EHMT1: variants seen among roughly 807,000 people sequenced by gnomAD.
EHMT1 encodes the protein euchromatic histone lysine methyltransferase 1.
Under a neutral mutation model 147.2 loss-of-function variants are expected in EHMT1, and 15 were observed. The observed-to-expected ratio is 0.10, with a 90% CI of 0.07 to 0.16. EHMT1 has a LOEUF of 0.16. EHMT1 is among the 10% of genes least tolerant of loss of function. The probability of loss-of-function intolerance (pLI) is 1.00; values close to 1 mark genes in which losing one functional copy is unlikely to be tolerated. For synonymous variants in EHMT1, 795 were observed against 709.6 expected (o/e 1.12, Z -1.91); for missense variants, 1,587 against 1,772.4 (o/e 0.90, Z 1.88).
At chr9:137,637,964 C>T (rs1364236866) in intron 1 of EHMT1, among the ~76,000 whole-genome samples, 2 of 151,862 alleles carry the variant, frequency 1.3e-5, no homozygotes, top group South Asian at 2.1e-4. Flanking sequence ...TGCAGTTGCT[C>T]GTATGTTCCC....
intron 18 of EHMT1, chr9:137,802,841 T>C (rs1953616712): frequency 8.1e-7 from 1 of 1,231,968 alleles, no homozygotes; most frequent in Non-Finnish European, 1.0e-6. Context: ...CGGAGTTCTT[T>C]CCCACTGCGG....
At chr9:137,681,165 T>G (rs1941905149) in intron 1 of EHMT1, among the ~76,000 whole-genome samples, 1 of 152,148 alleles carries the variant, frequency 6.6e-6, no homozygotes, top group African/African-American at 2.4e-5. Flanking sequence ...TCTTGAGAAC[T>G]GCAAGCAAGA....
intron 18 of EHMT1, among the ~76,000 whole-genome samples, chr9:137,806,946 A>G (rs1328516848): frequency 6.6e-6 from 1 of 152,140 alleles, no homozygotes; most frequent in Admixed American, 6.6e-5. Flanking sequence ...TGCTTTTAAA[A>G]TGTTTTTTCT....
intron 21 of EHMT1, among the ~76,000 whole-genome samples, chr9:137,814,051 C>A: frequency 1.3e-5 from 1 of 78,166 alleles, no homozygotes; most frequent in African/African-American, 6.8e-5. Flanking sequence ...CCGGGCACTG[C>A]CCAGGCCCCC....
intron 3 of EHMT1, among the ~76,000 whole-genome samples, chr9:137,728,058 A>G (rs997475705): frequency 1.3e-5 from 2 of 152,242 alleles, no homozygotes; most frequent in African/African-American, 4.8e-5. Context: ...ACATGTGGTC[A>G]CTGTTCCTCC....
intron 3 of EHMT1, among the ~76,000 whole-genome samples, chr9:137,726,215 G>A (rs1482407905): frequency 6.6e-6 from 1 of 152,130 alleles, no homozygotes; most frequent in African/African-American, 2.4e-5. Flanking sequence ...GCCACCCTCC[G>A]TCTCTGGAAC....
intron 1 of EHMT1, among the ~76,000 whole-genome samples, chr9:137,631,911 G>A (rs183310309): frequency 4.1e-4 from 63 of 152,228 alleles, no homozygotes; most frequent in Admixed American, 1.4e-3. Context: ...ATAGAGGCTA[G>A]AAATTCTTAC....
chr9:137,811,974 C>T (rs1954526974), intron 19 of EHMT1, among the ~76,000 whole-genome samples: 1 of 152,216 alleles, frequency 6.6e-6, no homozygotes, highest in Non-Finnish European at 1.5e-5. Context: ...CTTCTGGGAG[C>T]AGTGCCACCC....
At chr9:137,679,224 C>T (rs1272250280) in intron 1 of EHMT1, among the ~76,000 whole-genome samples, 1 of 152,208 alleles carries the variant, frequency 6.6e-6, no homozygotes, top group African/African-American at 2.4e-5. Context: ...GCTGGGATTA[C>T]AGGTGTGAGC....
intron 18 of EHMT1, among the ~76,000 whole-genome samples, chr9:137,809,467 G>C (rs1380800266): frequency 6.6e-6 from 1 of 152,236 alleles, no homozygotes; most frequent in African/African-American, 2.4e-5. Context: ...AGAGCCTGCG[G>C]GGTGGAGACC....
intron 1 of EHMT1, among the ~76,000 whole-genome samples, chr9:137,704,639 C>G (rs1051069841): frequency 6.6e-6 from 1 of 152,092 alleles, no homozygotes; most frequent in Non-Finnish European, 1.5e-5. Flanking sequence ...TTGGTATCCT[C>G]TCTTCTTTTT....
intron 3 of EHMT1, 166 bp downstream of exon 3, chr9:137,717,348 A>G (rs1945433808): frequency 1.1e-6 from 1 of 900,804 alleles, no homozygotes; most frequent in African/African-American, 1.6e-5. Context: ...TACAGCTGTT[A>G]TCGCAGCACT....
rs950008389 is a variant in EHMT1, at chr9:137,782,988, CA to C, written c.2382+593del. ...TCCCGGTGTTGGATCCCCTGTTTCT[CA>C]AGTGCCAGGTTTGAGTCTGGTGCAG... On this transcript the variant is annotated intron_variant, in intron 15 of 26. Coordinates refer to ENST00000460843, the MANE Select transcript of EHMT1 (RefSeq NM_024757.5). This position sits in a 1 kb window ranked among gnomAD's most constrained non-coding sequence, Gnocchi z 5.7. Among the ~76,000 whole-genome samples, 1 of 152,206 alleles carries C rather than the reference CA, an allele frequency of 6.6e-6. No homozygotes were observed. Among genetic ancestry groups the C allele is most frequent in the African/African-American group, 2.4e-5 (1 of 41,448 alleles).
chr9:137,742,542 C>T (rs1045601662), intron 4 of EHMT1, among the ~76,000 whole-genome samples: 4 of 152,002 alleles, frequency 2.6e-5, no homozygotes, highest in Non-Finnish European at 5.9e-5. Flanking sequence ...TTCTTTAAAT[C>T]CTGGAACTTA....
At chr9:137,702,201 C>A (rs1193859621) in intron 1 of EHMT1, among the ~76,000 whole-genome samples, 1 of 152,176 alleles carries the variant, frequency 6.6e-6, no homozygotes, top group Non-Finnish European at 1.5e-5. Context: ...GTGCTGGGTC[C>A]TTCTCACATT....
At chr9:137,799,605 G>C (rs146601686) in intron 17 of EHMT1, among the ~76,000 whole-genome samples, 100 of 152,262 alleles carry the variant, frequency 6.6e-4, no homozygotes, top group Middle Eastern at 3.4e-3. Flanking sequence ...CATGCACTGG[G>C]GGTCCCTCCT....
intron 1 of EHMT1, among the ~76,000 whole-genome samples, chr9:137,681,713 G>A (rs771322803): frequency 1.3e-5 from 2 of 151,990 alleles, no homozygotes; most frequent in East Asian, 3.9e-4. Flanking sequence ...CGAGGCATCC[G>A]AGTCTCCCCT....
intron 1 of EHMT1, among the ~76,000 whole-genome samples, chr9:137,661,486 C>CTTT (rs1195276514): frequency 0.02 from 2,637 of 133,880 alleles, 89 homozygotes; most frequent in African/African-American, 0.069. Context: ...TTTTGTACAT[C>CTTT]TTTTTTTTTT....
At position 137,782,478 on chromosome 9, in the gene EHMT1, G is replaced by T. The variant is rs529188258; in HGVS notation, c.2382+81G>T. The T allele has an allele frequency of 1.1e-5, 15 of 1,343,392 alleles. No individual in the cohort carries two copies. The highest frequency in any genetic ancestry group is 2.9e-5 in the African/African-American group (2 of 69,086). The allele number at this position is 1,343,392 out of a possible 1,614,324, so 83.2% of individuals were successfully genotyped here. Reference sequence around the variant, plus strand: ...CAAAGTAAAATCATACCACGTTCGCGGTTCTTCCAGTGTAAGAGTTCCGTA... The same window carrying T: ...CAAAGTAAAATCATACCACGTTCGCTGTTCTTCCAGTGTAAGAGTTCCGTA... On this transcript the variant is annotated intron_variant, in intron 15 of 26. Transcript: ENST00000460843. This position sits in a 1 kb window ranked among gnomAD's most constrained non-coding sequence, Gnocchi z 5.7.
Sources: allele counts gnomAD v4.1 joint callset (sites outside exome capture counted in the v4.1 genomes callset), GRCh38; gene constraint gnomAD v4.1.1; non-coding constraint Gnocchi (gnomAD v3.1); transcripts MANE v1.5; gene names NCBI Gene and HGNC (gene_info 2026-07-23, HGNC 2026-07-21).